The following GPC5 variants were observed in gnomAD, a reference collection of about 807,000 sequenced individuals.
GPC5 encodes the protein glypican 5, also known as glypican-5.
In GPC5, 47 loss-of-function variants were observed where a neutral mutation model predicts 53.9. The ratio of observed to expected loss-of-function variants is 0.87; its 90% CI spans 0.69 to 1.11. The LOEUF is 1.11. GPC5 is among the 50% of genes most tolerant of loss of function. The probability of loss-of-function intolerance (pLI) is 0.00; values close to 1 mark genes in which losing one functional copy is unlikely to be tolerated. For synonymous variants in GPC5, 286 were observed against 263.3 expected, an observed-to-expected ratio of 1.09 and a Z score of -0.84; for missense variants, 748 against 713.1, an observed-to-expected ratio of 1.05 and a Z score of -0.56.
chr13:92,511,725 A>G (rs924805934), intron 7 of GPC5, among the ~76,000 whole-genome samples: 2 of 152,150 alleles, frequency 1.3e-5, no homozygotes, highest in African/African-American at 4.8e-5. Context: ...TGCCAGAGCT[A>G]TAATTTTCTC....
chr13:92,388,776 G>C (rs772913903), intron 7 of GPC5, among the ~76,000 whole-genome samples: 8 of 152,094 alleles, frequency 5.3e-5, no homozygotes, highest in Admixed American at 1.3e-4. Context: ...TTATTGAGAA[G>C]GGGCAAGACT....
chr13:91,763,580 C>A (rs1007276140), intron 5 of GPC5, among the ~76,000 whole-genome samples: 7 of 152,172 alleles, frequency 4.6e-5, no homozygotes, highest in Non-Finnish European at 4.4e-5. Context: ...GAATTCATCA[C>A]ATTGCAGATT....
chr13:91,595,138 C>T (rs900358452), intron 2 of GPC5, among the ~76,000 whole-genome samples: 5 of 151,946 alleles, frequency 3.3e-5, no homozygotes, highest in African/African-American at 1.2e-4. Flanking sequence ...ATTCTTCCCC[C>T]TCCCGAGTAG....
At chr13:92,277,360 G>A (rs2042883571) in intron 7 of GPC5, among the ~76,000 whole-genome samples, 2 of 151,828 alleles carry the variant, frequency 1.3e-5, no homozygotes, top group African/African-American at 2.4e-5. Context: ...TACATTCTAA[G>A]GTAACAACAA....
At chr13:92,836,263 T>G (rs1024691634) in intron 7 of GPC5, among the ~76,000 whole-genome samples, 6 of 152,208 alleles carry the variant, frequency 3.9e-5, no homozygotes, top group African/African-American at 1.4e-4. Context: ...CTTCAAAATT[T>G]TCTTGCAGGA....
At chr13:91,470,809 G>C (rs1323958168) in intron 2 of GPC5, among the ~76,000 whole-genome samples, 1 of 152,100 alleles carries the variant, frequency 6.6e-6, no homozygotes, top group Non-Finnish European at 1.5e-5. Context: ...AGTCTTTCCA[G>C]TTGGACTATA....
At chr13:92,863,943 T>C (rs558845390) in intron 7 of GPC5, among the ~76,000 whole-genome samples, 1 of 152,356 alleles carries the variant, frequency 6.6e-6, no homozygotes, top group South Asian at 2.1e-4. Context: ...GTTGCTGTTA[T>C]GCATATAAGA....
chr13:91,775,178 A>T (rs1486179486), intron 5 of GPC5, among the ~76,000 whole-genome samples: 1 of 152,188 alleles, frequency 6.6e-6, no homozygotes, highest in African/African-American at 2.4e-5. Flanking sequence ...AGGTTTAAAA[A>T]CATCATAAGC....
At chr13:92,465,428 G>A (rs545894566) in intron 7 of GPC5, among the ~76,000 whole-genome samples, 1 of 152,050 alleles carries the variant, frequency 6.6e-6, no homozygotes, top group Non-Finnish European at 1.5e-5. Context: ...TGAGCTAGAT[G>A]TCAGATAATT....
chr13:91,763,110 A>G (rs1283563243), intron 5 of GPC5, among the ~76,000 whole-genome samples: 1 of 152,206 alleles, frequency 6.6e-6, no homozygotes, highest in Non-Finnish European at 1.5e-5. Context: ...TTTTATAAGC[A>G]TTAGTGAGAA....
intron 7 of GPC5, among the ~76,000 whole-genome samples, chr13:92,592,596 G>A (rs887627871): frequency 2.0e-5 from 3 of 151,364 alleles, no homozygotes; most frequent in Non-Finnish European, 4.4e-5. Flanking sequence ...ATTATCTGGA[G>A]ATGATAAGTG....
chr13:91,706,864 G>T (rs2036117145), intron 3 of GPC5, among the ~76,000 whole-genome samples: 2 of 152,084 alleles, frequency 1.3e-5, no homozygotes, highest in Admixed American at 1.3e-4. Context: ...AATCCATAGT[G>T]AATATCGAGT....
At chr13:92,073,362 T>C (rs1464216641) in intron 6 of GPC5, among the ~76,000 whole-genome samples, 1 of 152,196 alleles carries the variant, frequency 6.6e-6, no homozygotes. Flanking sequence ...GCTTTCTTTT[T>C]CTCTCAACTT....
intron 6 of GPC5, among the ~76,000 whole-genome samples, chr13:92,065,570 A>T (rs536215416): frequency 6.6e-5 from 10 of 152,284 alleles, no homozygotes; most frequent in African/African-American, 2.4e-4. Flanking sequence ...CTAAAACTTC[A>T]TATGTTCTTA....
At chr13:92,691,271 C>T (rs1158826039) in intron 7 of GPC5, among the ~76,000 whole-genome samples, 1 of 119,834 alleles carries the variant, frequency 8.3e-6, no homozygotes, top group Non-Finnish European at 1.7e-5. Flanking sequence ...TCTCATGGTG[C>T]GCCGTTTCTT....
chr13:91,846,752 C>A (rs984149374), intron 5 of GPC5, among the ~76,000 whole-genome samples: 1 of 152,162 alleles, frequency 6.6e-6, no homozygotes, highest in Non-Finnish European at 1.5e-5. Flanking sequence ...TGGCCAGTCT[C>A]ATCTCAAATC....
intron 7 of GPC5, among the ~76,000 whole-genome samples, chr13:92,666,071 T>G (rs1478912691): frequency 6.6e-6 from 1 of 152,208 alleles, no homozygotes; most frequent in Admixed American, 6.5e-5. Context: ...TAGAATTGCT[T>G]TATATTGAAA....
At chr13:91,545,881 T>C (rs985872950) in intron 2 of GPC5, among the ~76,000 whole-genome samples, 4 of 152,180 alleles carry the variant, frequency 2.6e-5, no homozygotes, top group Non-Finnish European at 5.9e-5. Flanking sequence ...TTTTCCTATA[T>C]GTTCAATGAC....
At position 91,542,850 on chromosome 13, in the gene GPC5, ATTTTTTTTTT is replaced by A. The variant is rs3055888; in HGVS notation, c.325+93943_325+93952del. Among the ~76,000 whole-genome samples the A allele has an allele frequency of 7.3e-5, 5 of 68,228 alleles. No individual in the cohort carries two copies. In the South Asian group the frequency reaches 3.1e-3, roughly 42 times the overall value. The allele number at this position is 68,228 out of a possible 152,430, so 44.8% of individuals were successfully genotyped here. On this transcript the variant is annotated intron_variant, in intron 2 of 7. Coordinates refer to ENST00000377067, the MANE Select transcript of GPC5 (RefSeq NM_004466.6). ...AGGCATGCATCACCATGCCCAGCCA[ATTTTTTTTTT>A]TTTTTTTTTTTTTTGAGATGGATTC...
Sources: allele counts gnomAD v4.1 joint callset (sites outside exome capture counted in the v4.1 genomes callset), GRCh38; gene constraint gnomAD v4.1.1; transcripts MANE v1.5; gene names NCBI Gene and HGNC (gene_info 2026-07-23, HGNC 2026-07-21).